Variants in TENM3 observed in about 807,000 individuals in gnomAD.
TENM3 encodes teneurin-3.
A neutral mutation model predicts 255.1 loss-of-function variants in TENM3; 63 were observed. The ratio of observed to expected loss-of-function variants is 0.25; its 90% CI spans 0.20 to 0.30. The LOEUF (loss-of-function observed/expected upper bound fraction) is 0.30. Ranked by LOEUF, TENM3 falls within the 10% of genes least tolerant of loss-of-function variation. The pLI is 1.00. For missense variants in TENM3, 2,929 were observed against 3,461.1 expected (o/e 0.85, Z 3.86); for synonymous variants, 1,306 against 1,322.3 (o/e 0.99, Z 0.27).
At chr4:182,238,182 G>C (rs926145528) in intron 1 of TENM3, among the ~76,000 whole-genome samples, 1 of 152,086 alleles carries the variant, frequency 6.6e-6, no homozygotes, top group Non-Finnish European at 1.5e-5. Flanking sequence ...GGCTGCTTTA[G>C]CCTCAGGATA....
At chr4:181,495,234 A>G in the TENM3 span, among the ~76,000 whole-genome samples, 9 of 152,310 alleles carry the variant, frequency 5.9e-5, no homozygotes, top group South Asian at 2.1e-4. Flanking sequence ...GGAAAATTCC[A>G]GGAGTAAGTT....
At chr4:182,411,894 A>G (rs1206040770) in intron 3 of TENM3, among the ~76,000 whole-genome samples, 2 of 152,222 alleles carry the variant, frequency 1.3e-5, no homozygotes, top group Admixed American at 1.3e-4. Flanking sequence ...TAAAACATTA[A>G]TCAAAAGCAA....
At position 182,230,566 on chromosome 4, in the gene TENM3, G is replaced by A. The variant is rs563604475; in HGVS notation, c.-76+85812G>A. On this transcript the variant is annotated intron_variant, in intron 1 of 2. Transcript: ENST00000512480. ...CAGTCACTGCTGTCACAGCGCTGGC[G>A]TTCCAGGAAGGAAAGATGGTCTGTG... 1.3e-3 allele frequency among the ~76,000 whole-genome samples: 190 copies of A among 151,828 alleles called. 1 individual carries two copies. Among genetic ancestry groups the A allele is most frequent in the African/African-American group, 4.1e-3 (169 of 41,380 alleles).
At chr4:182,707,740 A>G (rs1758388512) in intron 12 of TENM3, 2 of 152,220 alleles carry the variant, frequency 1.3e-5, no homozygotes, top group African/African-American at 4.8e-5. Context: ...CATAGGCTTG[A>G]AACCCGAATA....
chr4:182,520,684 G>A (rs1241154066), intron 3 of TENM3, among the ~76,000 whole-genome samples: 2 of 152,098 alleles, frequency 1.3e-5, no homozygotes, highest in Admixed American at 6.5e-5. Flanking sequence ...TTTTTCCCTA[G>A]AAGTAAATTT....
chr4:181,868,841 A>G, the TENM3 span, among the ~76,000 whole-genome samples: 1 of 152,190 alleles, frequency 6.6e-6, no homozygotes, highest in African/African-American at 2.4e-5. Context: ...CTTTATTTCA[A>G]GAAAGATAAC....
chr4:182,457,463 A>G (rs1386141768), intron 3 of TENM3, among the ~76,000 whole-genome samples: 1 of 148,096 alleles, frequency 6.8e-6, no homozygotes, highest in Non-Finnish European at 1.5e-5. Context: ...TATGATCTCT[A>G]TTTTAAAGAT....
At chr4:181,918,988 A>C in the TENM3 span, among the ~76,000 whole-genome samples, 11 of 152,160 alleles carry the variant, frequency 7.2e-5, no homozygotes, top group African/African-American at 2.7e-4. Flanking sequence ...TTCAGATGAG[A>C]TACTATCCCC....
At chr4:182,742,090 A>G (rs529559041) in intron 18 of TENM3, among the ~76,000 whole-genome samples, 1 of 152,384 alleles carries the variant, frequency 6.6e-6, no homozygotes, top group African/African-American at 2.4e-5. Flanking sequence ...CAGGTGGTGT[A>G]TACAGATGAT....
At chr4:182,106,928 G>A in the TENM3 span, among the ~76,000 whole-genome samples, 1 of 152,100 alleles carries the variant, frequency 6.6e-6, no homozygotes, top group Non-Finnish European at 1.5e-5. Flanking sequence ...AAAGGTGAAA[G>A]TGGAGAACTC....
At chr4:182,136,325 A>C in the TENM3 span, among the ~76,000 whole-genome samples, 2 of 152,008 alleles carry the variant, frequency 1.3e-5, no homozygotes, top group Non-Finnish European at 2.9e-5. Context: ...AATTTCCAGG[A>C]GTGTTCCTTG....
intron 1 of TENM3, among the ~76,000 whole-genome samples, chr4:182,204,250 G>C (rs1351098805): frequency 3.9e-5 from 6 of 152,130 alleles, no homozygotes; most frequent in Non-Finnish European, 8.8e-5. Flanking sequence ...TGGTGGTGTT[G>C]CTTATAATGC....
chr4:181,971,593 G>A, the TENM3 span, among the ~76,000 whole-genome samples: 1 of 151,838 alleles, frequency 6.6e-6, no homozygotes. Flanking sequence ...TGGAGACAGC[G>A]TCTCACCCTG....
chr4:182,652,627 AGCCCCT>A (rs528870986), intron 5 of TENM3, among the ~76,000 whole-genome samples: 29 of 152,324 alleles, frequency 1.9e-4, no homozygotes, highest in South Asian at 1.9e-3. Flanking sequence ...CTGCATCCAA[AGCCCCT>A]GCTCCATGTA....
intron 3 of TENM3, among the ~76,000 whole-genome samples, chr4:182,571,373 A>G (rs1744345094): frequency 6.6e-6 from 1 of 152,196 alleles, no homozygotes; most frequent in African/African-American, 2.4e-5. Flanking sequence ...AAAAAAAACA[A>G]AAATTAGCTG....
At chr4:182,502,151 T>C (rs2151657034) in intron 3 of TENM3, among the ~76,000 whole-genome samples, 1 of 152,334 alleles carries the variant, frequency 6.6e-6, no homozygotes, top group South Asian at 2.1e-4. Flanking sequence ...GTTGTTGAAA[T>C]GTCTACTGCC....
chr4:181,719,007 C>G, the TENM3 span, among the ~76,000 whole-genome samples: 3 of 151,466 alleles, frequency 2.0e-5, no homozygotes, highest in African/African-American at 7.3e-5. Context: ...GAGATCGAGA[C>G]CATCCTGGCT....
chr4:182,609,664 G>T (rs528174865), intron 4 of TENM3, among the ~76,000 whole-genome samples: 1 of 152,274 alleles, frequency 6.6e-6, no homozygotes, highest in East Asian at 1.9e-4. Context: ...CTACCGTCTG[G>T]TCATGGTGTG....
chr4:182,327,682 T>G (rs1270321768), intron 2 of TENM3, among the ~76,000 whole-genome samples: 1 of 152,208 alleles, frequency 6.6e-6, no homozygotes, highest in Non-Finnish European at 1.5e-5. Flanking sequence ...TCATGTAGTT[T>G]GTTGGTGATG....
Sources: gnomAD v4.1 joint callset for allele counts (sites outside exome capture counted in the v4.1 genomes callset) on GRCh38, gnomAD v4.1.1 for gene constraint, MANE v1.5 for transcripts, NCBI Gene and HGNC (gene_info 2026-07-23, HGNC 2026-07-21) for gene names.